CNTN5: variants seen among roughly 807,000 people sequenced by gnomAD.
The protein encoded by CNTN5 is contactin 5, also known as contactin-5.
CNTN5 carries 77 observed loss-of-function variants against 129.1 expected under a neutral mutation model. That is an observed-to-expected ratio of 0.60 (90% CI 0.50 to 0.72). The LOEUF (loss-of-function observed/expected upper bound fraction) is 0.72. CNTN5 is among the 30% of genes least tolerant of loss of function. The pLI is 0.00. For synonymous variants in CNTN5, 509 were observed against 465.6 expected (o/e 1.09, Z -1.20); for missense variants, 1,478 against 1,328.8 (o/e 1.11, Z -1.75).
chr11:100,356,586 A>G lies in CNTN5; in HGVS notation c.*366A>G, dbSNP rs984174262. ...TCCATTTGTTAAGTAACTGGCCTTT[A>G]GCAGATCTGTTTCAAAAACAAATAC... On this transcript the variant is annotated 3_prime_UTR_variant, in exon 25 of 25. Transcript: ENST00000524871. The G allele has an allele frequency of 3.1e-5, 6 of 191,462 alleles. No individual in the cohort carries two copies. In the East Asian group the frequency reaches 8.1e-4, roughly 26 times the overall value. The allele number at this position is 191,462 out of a possible 1,614,324, so 11.9% of individuals were successfully genotyped here. A position where few individuals can be genotyped will look rare whatever the true frequency, so the allele number is the denominator to read the frequency against.
At chr11:99,276,977 A>G (rs893230707) in intron 1 of CNTN5, among the ~76,000 whole-genome samples, 2 of 151,652 alleles carry the variant, frequency 1.3e-5, no homozygotes, top group Non-Finnish European at 3.0e-5. Context: ...TGTGATATAA[A>G]CTTTAAAAAA....
chr11:99,940,291 G>T (rs1222573288), intron 7 of CNTN5, among the ~76,000 whole-genome samples: 2 of 152,114 alleles, frequency 1.3e-5, no homozygotes, highest in African/African-American at 2.4e-5. Context: ...TATGTAATTT[G>T]TGCTCTTTAG....
intron 2 of CNTN5, among the ~76,000 whole-genome samples, chr11:99,497,859 C>G (rs1248459701): frequency 1.3e-5 from 2 of 152,146 alleles, no homozygotes; most frequent in Non-Finnish European, 2.9e-5. Flanking sequence ...AAATACACTA[C>G]TGATAGGTTC....
rs778212750 is a variant in CNTN5 at position 99,819,530 on chromosome 11, T to C, written c.56-14T>C. 1 of 1,584,518 alleles carries C rather than the reference T, an allele frequency of 6.3e-7. No homozygotes were observed. Among genetic ancestry groups the C allele is most frequent in the African/African-American group, 1.3e-5 (1 of 74,160 alleles). On this transcript the variant is annotated splice_polypyrimidine_tract_variant and intron_variant, in intron 3 of 24. Coordinates refer to ENST00000524871, the MANE Select transcript of CNTN5 (RefSeq NM_014361.4). ...CCTCAAAATTCAGATTTTATTATAT[T>C]TTTTCTCTTACAGAGTATTCAAAAT...
rs148092199 is a variant in CNTN5, at chr11:99,479,816, A to G, written c.-70-76329A>G. ...TGTTTTGAGGTAAAGAAAAAAAAAC[A>G]TTTTATAAATGGTCTGATGAAAATT... On this transcript the variant is annotated intron_variant, in intron 2 of 24. Coordinates refer to ENST00000524871, the MANE Select transcript of CNTN5 (RefSeq NM_014361.4). Among the ~76,000 whole-genome samples the G allele has an allele frequency of 1.7e-3, 266 of 152,208 alleles. 2 individuals are homozygous for G. The highest frequency in any genetic ancestry group is 6.0e-3 in the African/African-American group (250 of 41,544).
intron 1 of CNTN5, among the ~76,000 whole-genome samples, chr11:99,299,732 CT>C (rs1037064231): frequency 2.0e-5 from 3 of 152,236 alleles, no homozygotes; most frequent in African/African-American, 7.2e-5. Context: ...TGATTTCATA[CT>C]TTTTATGGCT....
chr11:100,207,948 G>A (rs1236668086), intron 15 of CNTN5, among the ~76,000 whole-genome samples: 3 of 152,028 alleles, frequency 2.0e-5, no homozygotes, highest in Admixed American at 6.5e-5. Context: ...AACTTTTTTT[G>A]GGTTTTGCCC....
intron 8 of CNTN5, among the ~76,000 whole-genome samples, chr11:99,966,427 G>A (rs1472698974): frequency 2.0e-5 from 3 of 152,134 alleles, no homozygotes; most frequent in South Asian, 2.1e-4. Flanking sequence ...AGAGATGACC[G>A]CTTCTACAGG....
In CNTN5 at chr11:99,749,644, T is replaced by C. The variant is rs533727458; in HGVS notation, c.56-69900T>C. On this transcript the variant is annotated intron_variant, in intron 3 of 24. Transcript: ENST00000524871. ...AAATCCAGTAAAAGACTTTAATGAA[T>C]GTAAAATGCTATCTGAATCTGGACA... 8.5e-5 allele frequency among the ~76,000 whole-genome samples: 13 copies of C among 152,360 alleles called. No homozygotes were observed. The South Asian group carries it at 1.7e-3, about 19-fold the overall frequency.
At chr11:99,491,395 G>A (rs912499614) in intron 2 of CNTN5, among the ~76,000 whole-genome samples, 6 of 152,086 alleles carry the variant, frequency 3.9e-5, no homozygotes, top group Non-Finnish European at 5.9e-5. Flanking sequence ...GATTATATTC[G>A]GAGGTTAATG....
chr11:99,187,184 A>G (rs1325993412), intron 1 of CNTN5, among the ~76,000 whole-genome samples: 1 of 151,864 alleles, frequency 6.6e-6, no homozygotes, highest in Non-Finnish European at 1.5e-5. Context: ...GGTCAGTAAG[A>G]AACAAAGAAG....
intron 3 of CNTN5, among the ~76,000 whole-genome samples, chr11:99,764,107 G>T (rs368840962): frequency 9.2e-5 from 14 of 152,002 alleles, no homozygotes; most frequent in Admixed American, 5.2e-4. Flanking sequence ...CTACAAATAT[G>T]TGATAGTATA....
intron 1 of CNTN5, among the ~76,000 whole-genome samples, chr11:99,026,595 T>C (rs1375047793): frequency 5.9e-5 from 9 of 151,618 alleles, no homozygotes; most frequent in African/African-American, 2.2e-4. Flanking sequence ...TTATTGATGA[T>C]TAATTGTGGA....
At chr11:99,541,610 T>A (rs1435053221) in intron 2 of CNTN5, among the ~76,000 whole-genome samples, 2 of 152,082 alleles carry the variant, frequency 1.3e-5, no homozygotes, top group Non-Finnish European at 2.9e-5. Flanking sequence ...CATGTTTTGA[T>A]GTGATGAATT....
At chr11:99,503,412 A>T (rs964802092) in intron 2 of CNTN5, among the ~76,000 whole-genome samples, 4 of 152,206 alleles carry the variant, frequency 2.6e-5, no homozygotes, top group African/African-American at 9.6e-5. Flanking sequence ...TCTGTAAAAG[A>T]TATGCTAGAT....
intron 16 of CNTN5, among the ~76,000 whole-genome samples, chr11:100,233,741 G>C (rs1949544653): frequency 6.6e-6 from 1 of 152,036 alleles, no homozygotes; most frequent in Non-Finnish European, 1.5e-5. Flanking sequence ...TGCTAGAAAG[G>C]AAGAACTTCG....
At chr11:100,156,994 CAGTTCTGCTCTGACCTT>C (rs1947266915) in intron 13 of CNTN5, among the ~76,000 whole-genome samples, 1 of 151,994 alleles carries the variant, frequency 6.6e-6, no homozygotes, top group Non-Finnish European at 1.5e-5. Flanking sequence ...CTGTCTCCTT[CAGTTCTGCTCTGACCTT>C]AGTTATTTCT....
chr11:99,968,110 G>T (rs769295241), intron 8 of CNTN5, among the ~76,000 whole-genome samples: 4 of 151,874 alleles, frequency 2.6e-5, no homozygotes, highest in Admixed American at 6.6e-5. Context: ...CTTTCTTTCA[G>T]TCCATGTGGG....
chr11:99,699,437 T>C (rs556568524), intron 3 of CNTN5, among the ~76,000 whole-genome samples: 1 of 151,534 alleles, frequency 6.6e-6, no homozygotes, highest in Admixed American at 6.6e-5. Context: ...CAAATTTCTC[T>C]TCAAATATTA....
Sources: allele counts gnomAD v4.1 joint callset (sites outside exome capture counted in the v4.1 genomes callset), GRCh38; gene constraint gnomAD v4.1.1; transcripts MANE v1.5; gene names NCBI Gene and HGNC (gene_info 2026-07-23, HGNC 2026-07-21).